The following AUTS2 variants were observed in gnomAD, a reference collection of about 807,000 sequenced individuals.
AUTS2 encodes autism susceptibility gene 2 protein.
Under a neutral mutation model 112.4 loss-of-function variants are expected in AUTS2, and 17 were observed. The observed-to-expected ratio is 0.15, with a 90% CI of 0.10 to 0.23. The LOEUF (loss-of-function observed/expected upper bound fraction) is 0.23. Among genes scored for constraint, AUTS2 ranks in the 10% least tolerant of loss-of-function variants. The pLI, the probability that AUTS2 is intolerant of heterozygous loss-of-function variation, is 1.00. For synonymous variants in AUTS2, 751 were observed against 702.7 expected (o/e 1.07, Z -1.09); for missense variants, 1,510 against 1,701.6 (o/e 0.89, Z 1.98).
chr7:70,532,629 G>A (rs1450369149), intron 5 of AUTS2, among the ~76,000 whole-genome samples: 4 of 152,068 alleles, frequency 2.6e-5, no homozygotes, highest in Admixed American at 1.3e-4. Flanking sequence ...AAACCCCTAC[G>A]TGGCTGTTCA....
At chr7:70,169,172 C>T (rs1808536594) in intron 4 of AUTS2, among the ~76,000 whole-genome samples, 1 of 152,008 alleles carries the variant, frequency 6.6e-6, no homozygotes, top group South Asian at 2.1e-4. Context: ...AATAATATTT[C>T]TGGATTAAGT....
intron 5 of AUTS2, among the ~76,000 whole-genome samples, chr7:70,531,828 T>A (rs1459991538): frequency 6.6e-6 from 1 of 152,106 alleles, no homozygotes; most frequent in Non-Finnish European, 1.5e-5. Flanking sequence ...TTAGCTTTTG[T>A]TATATAACAA....
intron 5 of AUTS2, among the ~76,000 whole-genome samples, chr7:70,564,602 A>G (rs1014965603): frequency 2.6e-5 from 4 of 152,206 alleles, no homozygotes; most frequent in East Asian, 1.9e-4. Context: ...ATGTTTGCAT[A>G]TAGTGGGTAT....
At chr7:70,308,805 A>G (rs7799308) in intron 4 of AUTS2, among the ~76,000 whole-genome samples, 47,497 of 151,940 alleles carry the variant, frequency 0.31, 7,784 homozygotes, top group African/African-American at 0.4. Context: ...TTGTATAGCC[A>G]AATATGTAGG....
At chr7:70,560,676 A>T (rs554057879) in intron 5 of AUTS2, among the ~76,000 whole-genome samples, 11 of 152,376 alleles carry the variant, frequency 7.2e-5, no homozygotes, top group African/African-American at 2.4e-4. Context: ...ATAGATTATT[A>T]TTTCAAGCTA....
At chr7:70,181,030 T>C (rs1809268376) in intron 4 of AUTS2, among the ~76,000 whole-genome samples, 3 of 152,186 alleles carry the variant, frequency 2.0e-5, no homozygotes, top group Admixed American at 6.5e-5. Context: ...TCAACAAATA[T>C]ATAGTATGCT....
intron 2 of AUTS2, among the ~76,000 whole-genome samples, chr7:70,048,981 TGG>T (rs1455625620): frequency 6.6e-6 from 1 of 152,176 alleles, no homozygotes; most frequent in Non-Finnish European, 1.5e-5. Context: ...TCATGTTTTG[TGG>T]GGTTTTCTTT....
rs368726682 is a variant in AUTS2, at chr7:70,069,476, G to T, written c.523-48656G>T. On this transcript the variant is annotated intron_variant, in intron 2 of 18. Transcript: ENST00000342771. Reference sequence around the variant, plus strand: ...CCTTTGTAATTAATCCTAATTGCTGGGACTTTCATGTTTCTAATAAATGTC... The same window carrying T: ...CCTTTGTAATTAATCCTAATTGCTGTGACTTTCATGTTTCTAATAAATGTC... Among the ~76,000 whole-genome samples, 12 of 151,992 alleles carry T rather than the reference G, an allele frequency of 7.9e-5. No homozygotes were observed. In the East Asian group the frequency reaches 1.5e-3, roughly 20 times the overall value.
chr7:70,310,609 T>C (rs933757611), intron 4 of AUTS2, among the ~76,000 whole-genome samples: 17 of 136,126 alleles, frequency 1.2e-4, no homozygotes, highest in African/African-American at 4.9e-4. Context: ...CGAGACTCTG[T>C]CTTAAAAAAA....
intron 4 of AUTS2, among the ~76,000 whole-genome samples, chr7:70,422,523 T>C (rs1795265188): frequency 6.6e-6 from 1 of 152,198 alleles, no homozygotes; most frequent in Non-Finnish European, 1.5e-5. Flanking sequence ...ATGCCTGTAA[T>C]CCCAGCACTT....
At chr7:69,743,744 T>C (rs1787366102) in intron 1 of AUTS2, among the ~76,000 whole-genome samples, 1 of 152,220 alleles carries the variant, frequency 6.6e-6, no homozygotes, top group Non-Finnish European at 1.5e-5. Flanking sequence ...CACACTCTCT[T>C]ATGTCTGGCC....
chr7:70,637,415 A>G (rs1412712925), intron 5 of AUTS2, among the ~76,000 whole-genome samples: 1 of 152,220 alleles, frequency 6.6e-6, no homozygotes, highest in African/African-American at 2.4e-5. Context: ...AGAGTTACAT[A>G]AATTCAAAGT....
At chr7:70,341,633 C>T (rs1791267190) in intron 4 of AUTS2, among the ~76,000 whole-genome samples, 1 of 152,230 alleles carries the variant, frequency 6.6e-6, no homozygotes, top group African/African-American at 2.4e-5. Context: ...CTAATTAGTT[C>T]TTTCTAGTGC....
chr7:69,864,965 G>A (rs1793153402), intron 1 of AUTS2, among the ~76,000 whole-genome samples: 1 of 152,182 alleles, frequency 6.6e-6, no homozygotes, highest in Admixed American at 6.5e-5. Context: ...CATTATGTAA[G>A]TTTCACTCTC....
At chr7:70,491,625 AT>A (rs1206515975) in intron 5 of AUTS2, among the ~76,000 whole-genome samples, 1 of 104,980 alleles carries the variant, frequency 9.5e-6, no homozygotes, top group Non-Finnish European at 2.0e-5. Flanking sequence ...GTGTGTGTGT[AT>A]TTTTTTGAGA....
chr7:70,019,708 A>G (rs992584306), intron 2 of AUTS2, among the ~76,000 whole-genome samples: 1 of 152,194 alleles, frequency 6.6e-6, no homozygotes, highest in Non-Finnish European at 1.5e-5. Context: ...TGAGACAGTT[A>G]AATAAGTTAA....
At chr7:69,765,827 G>A (rs559700293) in intron 1 of AUTS2, among the ~76,000 whole-genome samples, 140 of 152,174 alleles carry the variant, frequency 9.2e-4, no homozygotes, top group African/African-American at 3.3e-3. Context: ...CGTGCCTGTA[G>A]TCCCAGGTAC....
intron 1 of AUTS2, among the ~76,000 whole-genome samples, chr7:69,615,070 A>G (rs1187152836): frequency 6.6e-6 from 1 of 152,250 alleles, no homozygotes; most frequent in Non-Finnish European, 1.5e-5. Flanking sequence ...TGTAAAATAC[A>G]AGTTCTATAT....
intron 2 of AUTS2, among the ~76,000 whole-genome samples, chr7:69,949,716 T>C (rs898879307): frequency 1.5e-4 from 23 of 152,196 alleles, no homozygotes; most frequent in African/African-American, 5.5e-4. Context: ...CCATGAACTT[T>C]CCATGATGCT....
Sources: gnomAD v4.1 joint callset for allele counts (sites outside exome capture counted in the v4.1 genomes callset) on GRCh38, gnomAD v4.1.1 for gene constraint, MANE v1.5 for transcripts, NCBI Gene and HGNC (gene_info 2026-07-23, HGNC 2026-07-21) for gene names.